SBNO2: variants seen among roughly 807,000 people sequenced by gnomAD.
SBNO2 encodes the protein strawberry notch homolog 2.
SBNO2 carries 89 observed loss-of-function variants against 146.3 expected under a neutral mutation model. The observed-to-expected ratio is 0.61, with a 90% confidence interval of 0.51 to 0.73. SBNO2 has a LOEUF of 0.73. Ranked by LOEUF, SBNO2 falls within the 30% of genes least tolerant of loss-of-function variation. SBNO2 has a pLI of 0.00. For synonymous variants in SBNO2, 1,147 were observed against 892.6 expected (o/e 1.29, Z -5.08); for missense variants, 2,092 against 2,003.7 (o/e 1.04, Z -0.84).
chr19:1,125,358 CAAAAAAAAAAAAA>C, intron 5 of SBNO2, among the ~76,000 whole-genome samples: 1 of 53,156 alleles, frequency 1.9e-5, no homozygotes, highest in African/African-American at 7.5e-5. Flanking sequence ...GACTCCATCT[CAAAAAAAAAAAAA>C]AAAAAAAAGT....
At position 1,107,706 on chromosome 19, in the gene SBNO2, C is replaced by T. The variant is rs1377458945; in HGVS notation, c.*514G>A. 1 of 152,914 alleles carries T rather than the reference C, an allele frequency of 6.5e-6. No homozygotes were observed. Among genetic ancestry groups the T allele is most frequent in the Non-Finnish European group, 1.5e-5 (1 of 68,294 alleles). 9.5% of individuals were successfully genotyped at this position (152,914 alleles called of 1,614,324 possible). On this transcript the variant is annotated 3_prime_UTR_variant, in exon 32 of 32. Transcript: ENST00000361757. ...TGTACATCAGAACTTGCTATAAATACATAGAAACCGCAGGCGCCACCCTGC... is the reference window on the plus strand; with the variant it reads ...TGTACATCAGAACTTGCTATAAATATATAGAAACCGCAGGCGCCACCCTGC...
chr19:1,139,444 C>G (rs1162841289), intron 4 of SBNO2, among the ~76,000 whole-genome samples: 1 of 151,984 alleles, frequency 6.6e-6, no homozygotes, highest in Non-Finnish European at 1.5e-5. Context: ...TTGTAACAGC[C>G]ACAGCATCGT....
At chr19:1,172,348 G>C (rs1333900542) in intron 1 of SBNO2, among the ~76,000 whole-genome samples, 1 of 152,316 alleles carries the variant, frequency 6.6e-6, no homozygotes, top group Middle Eastern at 3.4e-3. Context: ...AACTCTGAAG[G>C]TGGCCCGGAG....
At chr19:1,111,741 C>T (rs2079763435) in intron 23 of SBNO2, 127 bp from the exon 24 acceptor site, 2 of 741,922 alleles carry the variant, frequency 2.7e-6, no homozygotes, top group South Asian at 3.5e-5. Context: ...ACTCCTAGAC[C>T]CCACCTCCCC....
At position 1,112,603 on chromosome 19, in the gene SBNO2, C is replaced by A; in HGVS notation, c.2380-66G>T. ...CCCGCCCCAGCGTTGCCGCCACCTCCTCACCCACTAGGCCCCCGCTCCAGG... is the reference window on the plus strand; with the variant it reads ...CCCGCCCCAGCGTTGCCGCCACCTCATCACCCACTAGGCCCCCGCTCCAGG... On this transcript the variant is annotated intron_variant, in intron 20 of 31. Transcript: ENST00000361757. This position sits in a 1 kb window ranked among gnomAD's most constrained non-coding sequence, Gnocchi z 5.9. 1 of 1,504,498 alleles carries A rather than the reference C, an allele frequency of 6.6e-7. No individual in the cohort carries two copies. The highest frequency in any genetic ancestry group is 2.1e-5 in the Admixed American group (1 of 47,930). The allele number at this position is 1,504,498 out of a possible 1,614,324, so 93.2% of individuals were successfully genotyped here.
In SBNO2 at chr19:1,112,352, AC is replaced by A. The variant is rs909051904; in HGVS notation, c.2515+49del. On this transcript the variant is annotated intron_variant, in intron 21 of 31. Transcript: ENST00000361757. This position sits in a 1 kb window ranked among gnomAD's most constrained non-coding sequence, Gnocchi z 5.9. ...CCGGCCAGGCGGGGGCGGGGCCGAG[AC>A]CATGTTGGGGGCGGGGCCAGGCAGC... 6 of 1,568,456 alleles carry A rather than the reference AC, an allele frequency of 3.8e-6. No individual in the cohort carries two copies. The highest frequency in any genetic ancestry group is 5.2e-6 in the Non-Finnish European group (6 of 1,159,790).
chr19:1,129,401 C>A (rs928713526), intron 4 of SBNO2, among the ~76,000 whole-genome samples: 1 of 152,144 alleles, frequency 6.6e-6, no homozygotes, highest in Non-Finnish European at 1.5e-5. Context: ...CACCTGGGCA[C>A]TGATCACTAG....
chr19:1,160,080 C>A (rs372161077), intron 1 of SBNO2, among the ~76,000 whole-genome samples: 5 of 152,150 alleles, frequency 3.3e-5, no homozygotes, highest in African/African-American at 1.2e-4. Context: ...ACACGTTCCA[C>A]CCCAGGGGCA....
intron 4 of SBNO2, among the ~76,000 whole-genome samples, chr19:1,145,415 G>C (rs931060917): frequency 3.3e-5 from 5 of 150,718 alleles, no homozygotes; most frequent in Non-Finnish European, 7.4e-5. Context: ...GGAGGTTGCA[G>C]TGAGCCAAGA....
At chr19:1,124,115 C>G (rs773635671) in intron 5 of SBNO2, 93 bp from the exon 6 acceptor site, 1 of 1,182,588 alleles carries the variant, frequency 8.5e-7, no homozygotes, top group Non-Finnish European at 1.2e-6. Context: ...AGGCTCCCCA[C>G]TGCCCCGTCC....
At chr19:1,113,257 G>T (rs2079789060) in intron 19 of SBNO2, among the ~76,000 whole-genome samples, 1 of 152,156 alleles carries the variant, frequency 6.6e-6, no homozygotes, top group Non-Finnish European at 1.5e-5. Flanking sequence ...CCCAAGGGGT[G>T]CGTTCAGGCA....
chr19:1,118,982 G>T, intron 14 of SBNO2, 29 bp downstream of exon 14: 1 of 1,560,936 alleles, frequency 6.4e-7, no homozygotes, highest in East Asian at 2.3e-5. Flanking sequence ...AAACGCACAG[G>T]GGTCCCCGGG....
intron 11 of SBNO2, among the ~76,000 whole-genome samples, chr19:1,121,193 T>A (rs2079896911): frequency 6.6e-6 from 1 of 152,212 alleles, no homozygotes. Context: ...CCGGCCAGGT[T>A]CTTAATATTT....
intron 4 of SBNO2, chr19:1,128,082 T>G: frequency 1.9e-6 from 1 of 514,236 alleles, no homozygotes; most frequent in Non-Finnish European, 3.7e-6. Context: ...TCCAAAAGTG[T>G]TGGGATTACA....
intron 11 of SBNO2, 24 bp from the exon 12 acceptor site, chr19:1,120,047 G>A (rs1299177859): frequency 6.5e-7 from 1 of 1,539,722 alleles, no homozygotes; most frequent in Admixed American, 2.0e-5. Flanking sequence ...GGGTTAAGGA[G>A]TATTCTGAAG....
intron 1 of SBNO2, among the ~76,000 whole-genome samples, chr19:1,155,884 A>G (rs1003148564): frequency 1.3e-5 from 2 of 152,088 alleles, no homozygotes; most frequent in Admixed American, 6.5e-5. Context: ...GACTCCCCTC[A>G]GCTCCTGTCA....
chr19:1,114,372 C>T lies in SBNO2; in HGVS notation c.1936G>A (p.Ala646Thr). Reference protein sequence around the residue: ...AKAPRLACETAGVIRISDDSS... With the variant: ...AKAPRLACETTGVIRISDDSS... ...TCGTCACTGATGCGGATGACGCCCG[C>T]TGTCTCGCACGCCAGCCGGGGGGCT... The change falls in exon 18 of 32, where the codon GCG (alanine) becomes ACG (threonine). Residue 646 changes from alanine (A) to threonine (T), a missense_variant. Ala to Thr is a moderately conservative substitution (Grantham distance 58). Coordinates refer to ENST00000361757, the MANE Select transcript of SBNO2 (RefSeq NM_014963.3). The T allele has an allele frequency of 1.3e-6, 2 of 1,554,610 alleles. No homozygotes were observed. The highest frequency in any genetic ancestry group is 1.7e-6 in the Non-Finnish European group (2 of 1,149,178).
Position 1,119,019 on chromosome 19 carries a change from C to T in SBNO2, c.1519G>A (p.Ala507Thr). The change falls in exon 14 of 32, where the codon GCC becomes ACC. Residue 507 changes from alanine to threonine, a missense_variant. Physicochemically the swap from Ala to Thr is moderately conservative, Grantham distance 58. Coordinates refer to ENST00000361757, the MANE Select transcript of SBNO2 (RefSeq NM_014963.3). ...PAFECVYNRA[A>T]LLWAEALNVF... ...CGGGTGCGCAGGCTCACCAGCAGGG[C>T]CGCGCGGTTGTAGACGCACTCGAAG... 6.3e-7 allele frequency: 1 copy of T among 1,594,374 alleles called. No individual in the cohort carries two copies. Among genetic ancestry groups the T allele is most frequent in the Non-Finnish European group, 8.5e-7 (1 of 1,172,660 alleles).
chr19:1,153,920 G>C (rs1399651619), intron 2 of SBNO2, among the ~76,000 whole-genome samples: 1 of 152,206 alleles, frequency 6.6e-6, no homozygotes, highest in Non-Finnish European at 1.5e-5. Context: ...GAAGGAACTG[G>C]AAGCTCTGCA....
Sources: gnomAD v4.1 joint callset for allele counts (sites outside exome capture counted in the v4.1 genomes callset) on GRCh38, gnomAD v4.1.1 for gene constraint, Gnocchi (gnomAD v3.1) non-coding constraint, MANE v1.5 for transcripts, NCBI Gene and HGNC (gene_info 2026-07-23, HGNC 2026-07-21) for gene names.